Variants in USP24 observed in about 807,000 individuals in gnomAD.
The protein encoded by USP24 is ubiquitin specific peptidase 24.
A neutral mutation model predicts 361.6 loss-of-function variants in USP24; 97 were observed. The observed-to-expected ratio is 0.27, with a 90% confidence interval of 0.23 to 0.32. USP24 has a LOEUF of 0.32. Ranked by LOEUF, USP24 falls within the 10% of genes least tolerant of loss-of-function variation. The probability of loss-of-function intolerance (pLI) is 1.00; values close to 1 mark genes in which losing one functional copy is unlikely to be tolerated. For synonymous variants in USP24, 1,098 were observed against 1,124.6 expected (o/e 0.98, Z 0.47); for missense variants, 2,353 against 3,165.6 (o/e 0.74, Z 6.16).
At chr1:55,103,249 C>A (rs1240690958) in intron 42 of USP24, among the ~76,000 whole-genome samples, 1 of 152,150 alleles carries the variant, frequency 6.6e-6, no homozygotes, top group Non-Finnish European at 1.5e-5. Context: ...GTTTTTATGG[C>A]CCTATTTTAA....
At chr1:55,206,172 C>T (rs1557709628) in intron 1 of USP24, among the ~76,000 whole-genome samples, 2 of 152,158 alleles carry the variant, frequency 1.3e-5, no homozygotes. Flanking sequence ...TCTCTCTATC[C>T]AATTAAATAT....
chr1:55,094,004 G>C lies in USP24; in HGVS notation c.6287C>G (p.Thr2096Ser). 6.2e-7 allele frequency: 1 copy of C among 1,613,820 alleles called. No individual in the cohort carries two copies. The highest frequency in any genetic ancestry group is 8.5e-7 in the Non-Finnish European group (1 of 1,179,850). Residue 2096 changes from threonine (T) to serine (S), a missense_variant, in exon 52 of 68, where the codon ACC becomes AGC. By Grantham distance (58) the Thr-to-Ser change is moderately conservative. Coordinates refer to ENST00000294383, the MANE Select transcript of USP24 (RefSeq NM_015306.3). ...CTTCTCGCCTTTTTTAACCAGCTTG[G>C]TAAGAATAGACAGCCGGTCATTGTT... ...RPNNDRLSIL[T>S]KLVKKGEKKG...
chr1:55,184,258 T>C (rs1394858596), intron 1 of USP24, among the ~76,000 whole-genome samples: 2 of 152,138 alleles, frequency 1.3e-5, no homozygotes, highest in Non-Finnish European at 2.9e-5. Flanking sequence ...GGTTTTGCCA[T>C]GTTGCCGAGG....
Position 55,104,010 on chromosome 1 carries a change from C to G in USP24, c.4891G>C (p.Ala1631Pro). 2 of 1,606,434 alleles carry G rather than the reference C, an allele frequency of 1.2e-6. No homozygotes were observed. The highest frequency in any genetic ancestry group is 1.7e-6 in the Non-Finnish European group (2 of 1,176,560). ...QQDFHPKCSTANSRLAAYEVL... is the reference protein window; with the variant it reads ...QQDFHPKCSTPNSRLAAYEVL... ...TCATAGGCTGCCAATCGGCTATTCG[C>G]TGTACTACACCTAGAAACAAAAGAC... is the stretch of plus-strand genomic sequence containing the variant. Residue 1631 changes from alanine (A) to proline (P), a missense_variant, in exon 42 of 68, where the codon GCG becomes CCG. Transcript: ENST00000294383.
At chr1:55,106,643 C>T (rs140286601) in intron 40 of USP24, among the ~76,000 whole-genome samples, 25 of 152,280 alleles carry the variant, frequency 1.6e-4, no homozygotes, top group Non-Finnish European at 1.2e-4. Flanking sequence ...TAAAATCTTG[C>T]CTTTTTAGTT....
chr1:55,109,928 G>C (rs1158325379), intron 39 of USP24, among the ~76,000 whole-genome samples: 1 of 152,124 alleles, frequency 6.6e-6, no homozygotes, highest in African/African-American at 2.4e-5. Flanking sequence ...TCGTATCAGT[G>C]TAATTAAAAT....
chr1:55,129,425 A>G, intron 32 of USP24, 52 bp downstream of exon 32: 1 of 1,487,418 alleles, frequency 6.7e-7, no homozygotes, highest in Non-Finnish European at 9.3e-7. Context: ...ATTAACTAAA[A>G]TAACTATATT....
intron 10 of USP24, among the ~76,000 whole-genome samples, chr1:55,157,703 G>C (rs970793377): frequency 2.0e-5 from 3 of 151,854 alleles, no homozygotes; most frequent in African/African-American, 7.3e-5. Context: ...GCGTAGTCGT[G>C]GGCGCCTGTA....
rs576670029 is a variant in USP24, at chr1:55,186,078, A to C, written c.325-7946T>G. The stretch of plus-strand genomic sequence containing the variant: ...TAATCAAGAACTTCCCACAAAGGAA[A>C]GCCCAGGACCAGATGGCATCACCAG... On this transcript the variant is annotated intron_variant, in intron 1 of 67. Transcript: ENST00000294383. 3.3e-5 allele frequency among the ~76,000 whole-genome samples: 5 copies of C among 152,362 alleles called. No homozygotes were observed. The East Asian group carries it at 9.6e-4, about 29-fold the overall frequency.
At chr1:55,072,008 T>A (rs1644931029) in intron 66 of USP24, 84 bp from the exon 67 acceptor site, 14 of 1,189,928 alleles carry the variant, frequency 1.2e-5, no homozygotes, top group Admixed American at 4.0e-5. Flanking sequence ...ACCTTTCATC[T>A]GACCTTCAGT....
At position 55,144,129 on chromosome 1, in the gene USP24, A is replaced by C; in HGVS notation, c.2437T>G (p.Leu813Val). ...AGATTTGAGAATAACGTACTTACCA[A>C]CTGAGCTCCTTGTCTTTTCAATCGA... ...DHRLKRQGAQLYVEKLELIGM... is the reference protein window; with the variant it reads ...DHRLKRQGAQVYVEKLELIGM... Residue 813 changes from leucine (L) to valine (V), a missense_variant and splice_region_variant, in exon 21 of 68, where the codon TTG becomes GTG. Transcript: ENST00000294383. 1 of 1,606,298 alleles carries C rather than the reference A, an allele frequency of 6.2e-7. No homozygotes were observed. The highest frequency in any genetic ancestry group is 8.5e-7 in the Non-Finnish European group (1 of 1,176,936).
chr1:55,103,629 T>C (rs1645696473), intron 42 of USP24, among the ~76,000 whole-genome samples: 1 of 152,228 alleles, frequency 6.6e-6, no homozygotes, highest in Non-Finnish European at 1.5e-5. Context: ...TACTTTTTAC[T>C]GAGAATAACT....
intron 1 of USP24, among the ~76,000 whole-genome samples, chr1:55,212,246 G>C (rs1425925582): frequency 3.9e-5 from 6 of 152,316 alleles, no homozygotes; most frequent in African/African-American, 9.6e-5. Flanking sequence ...GATTCTTAAT[G>C]GTTGGTGCTC....
At chr1:55,079,771 C>T in intron 59 of USP24, 112 bp from the exon 60 acceptor site, 2 of 1,395,010 alleles carry the variant, frequency 1.4e-6, no homozygotes, top group Non-Finnish European at 1.9e-6. Flanking sequence ...ACACTGAGTA[C>T]TCTCACAGAG....
rs1649086851 is a variant in USP24 at position 55,168,259 on chromosome 1, C to T, written c.826-1656G>A. 2.6e-5 allele frequency among the ~76,000 whole-genome samples: 4 copies of T among 152,150 alleles called. No individual in the cohort carries two copies. The South Asian group carries it at 6.2e-4, about 24-fold the overall frequency. On this transcript the variant is annotated intron_variant, in intron 5 of 67. Transcript: ENST00000294383. ...ACATGCAGGGGTGTTGGTGTCTTAA[C>T]GAGAATTATTTCAGCAGATGGTGGA... is the stretch of plus-strand genomic sequence containing the variant.
chr1:55,156,871 GCT>G, intron 12 of USP24, 75 bp downstream of exon 12: 1 of 1,000,920 alleles, frequency 1.0e-6, no homozygotes. Context: ...CCGTTTTCCT[GCT>G]CTCTCATCAC....
At chr1:55,162,345 A>G (rs1648377913) in intron 7 of USP24, 81 bp from the exon 8 acceptor site, 2 of 1,302,284 alleles carry the variant, frequency 1.5e-6, no homozygotes, top group Non-Finnish European at 2.0e-6. Context: ...CTTTTCATGT[A>G]TCAGAGAAAA....
At chr1:55,101,821 T>C in intron 42 of USP24, 118 bp from the exon 43 acceptor site, 1 of 1,311,388 alleles carries the variant, frequency 7.6e-7, no homozygotes, top group Non-Finnish European at 1.0e-6. Flanking sequence ...CAGCATGTTA[T>C]GAAAGCTATG....
chr1:55,135,033 T>C (rs1385741935), intron 28 of USP24, among the ~76,000 whole-genome samples: 2 of 152,202 alleles, frequency 1.3e-5, no homozygotes, highest in Non-Finnish European at 2.9e-5. Flanking sequence ...AGGATAAATG[T>C]GAGACAGTTA....
Sources: allele counts gnomAD v4.1 joint callset (sites outside exome capture counted in the v4.1 genomes callset), GRCh38; gene constraint gnomAD v4.1.1; transcripts MANE v1.5; gene names NCBI Gene and HGNC (gene_info 2026-07-23, HGNC 2026-07-21).